The following YLPM1 variants were observed in gnomAD, a reference collection of about 807,000 sequenced individuals.
YLPM1 encodes the protein YLP motif-containing protein 1.
A neutral mutation model predicts 230.0 loss-of-function variants in YLPM1; 99 were observed. The observed-to-expected ratio is 0.43, with a 90% CI of 0.37 to 0.51. The LOEUF (loss-of-function observed/expected upper bound fraction) is 0.51, where lower values mean the gene tolerates loss of function less well. Ranked by LOEUF, YLPM1 falls within the 20% of genes least tolerant of loss-of-function variation. The pLI is 0.00. For synonymous variants in YLPM1, 984 were observed against 942.5 expected, an observed-to-expected ratio of 1.04 and a Z score of -0.81; for missense variants, 2,592 against 2,707.7, an observed-to-expected ratio of 0.96 and a Z score of 0.95.
At chr14:74,793,825 G>A (rs918720729) in intron 4 of YLPM1, among the ~76,000 whole-genome samples, 5 of 152,158 alleles carry the variant, frequency 3.3e-5, no homozygotes, top group Non-Finnish European at 7.4e-5. Context: ...CTAAGGAAAG[G>A]CTGGTTGATG....
chr14:74,797,818 A>G lies in YLPM1; in HGVS notation c.2521A>G (p.Lys841Glu). The G allele has an allele frequency of 6.2e-7, 1 of 1,613,964 alleles. No individual in the cohort carries two copies. Among genetic ancestry groups the G allele is most frequent in the South Asian group, 1.1e-5 (1 of 91,078 alleles). The change falls in exon 5 of 21, where the codon AAA becomes GAA. Residue 841 changes from lysine to glutamate, a missense_variant. By Grantham distance (56) the Lys-to-Glu change is moderately conservative. Transcript: ENST00000325680. ...GAGTGGACCACAGTGGAAAGGCCCC[A>G]AACCAGCTTTTGGACAGCAGCATCA... ...RQSGPQWKGP[K>E]PAFGQQHQQQ...
chr14:74,835,121 C>T, intron 19 of YLPM1, 144 bp from the exon 20 acceptor site: 1 of 1,034,642 alleles, frequency 9.7e-7, no homozygotes, highest in Non-Finnish European at 1.4e-6. Flanking sequence ...TATGGCTTTT[C>T]CCAGTTTTCC....
chr14:74,808,536 C>T (rs1199079123), intron 6 of YLPM1, among the ~76,000 whole-genome samples: 1 of 152,036 alleles, frequency 6.6e-6, no homozygotes. Context: ...GGTGCGGTGG[C>T]TCATGCCTGT....
chr14:74,824,150 T>C, intron 17 of YLPM1, 106 bp from the exon 18 acceptor site: 1 of 1,095,698 alleles, frequency 9.1e-7, no homozygotes, highest in Non-Finnish European at 1.3e-6. Flanking sequence ...AGCTAGTCAG[T>C]GGAAACTGAA....
At chr14:74,806,113 T>C (rs1193654648) in intron 6 of YLPM1, among the ~76,000 whole-genome samples, 1 of 151,046 alleles carries the variant, frequency 6.6e-6, no homozygotes, top group East Asian at 2.0e-4. Flanking sequence ...TGCCAGCACT[T>C]TGGGAGGCCA....
In YLPM1 at chr14:74,798,599, A is replaced by G; in HGVS notation, c.3302A>G (p.Gln1101Arg). ...GTGCCAGGTGGTCTTCAAGGGAGCCAGGACAGGGGTGCAGCTGGCAGCCGA... is the reference window on the plus strand; with the variant it reads ...GTGCCAGGTGGTCTTCAAGGGAGCCGGGACAGGGGTGCAGCTGGCAGCCGA... ...EKVPGGLQGS[Q>R]DRGAAGSRER... is the part of the protein sequence containing the mutation. The change falls in exon 5 of 21, where the codon CAG (glutamine) becomes CGG (arginine). Residue 1101 changes from glutamine to arginine, a missense_variant. Physicochemically the swap from Gln to Arg is conservative, Grantham distance 43. This residue lies in a region of YLPM1 where 1,862 missense variants were observed against 1,819.8 expected (regional missense o/e 1.02). Coordinates refer to ENST00000325680, the MANE Select transcript of YLPM1 (RefSeq NM_019589.3). The G allele has an allele frequency of 1.2e-6, 2 of 1,613,008 alleles. No homozygotes were observed. The highest frequency in any genetic ancestry group is 8.5e-7 in the Non-Finnish European group (1 of 1,179,280).
In YLPM1 at chr14:74,780,727, C is replaced by T. The variant is rs373038068; in HGVS notation, c.1290+143C>T. ...TCCCAAGGGGTGCCCAAGTAGTTATCTGCCACATTACCTGGGGGACTGGGG... is the reference window on the plus strand; with the variant it reads ...TCCCAAGGGGTGCCCAAGTAGTTATTTGCCACATTACCTGGGGGACTGGGG... On this transcript the variant is annotated intron_variant, in intron 3 of 20. Transcript: ENST00000325680. The T allele has an allele frequency of 7.1e-5, 100 of 1,407,876 alleles. No homozygotes were observed. The African/African-American group carries it at 1.3e-3, about 18-fold the overall frequency. The allele number at this position is 1,407,876 out of a possible 1,614,324, so 87.2% of individuals were successfully genotyped here.
rs1432527232 is a variant in YLPM1 at position 74,798,929 on chromosome 14, C to T, written c.3632C>T (p.Ala1211Val). 6.2e-7 allele frequency: 1 copy of T among 1,613,820 alleles called. No individual in the cohort carries two copies. The highest frequency in any genetic ancestry group is 8.5e-7 in the Non-Finnish European group (1 of 1,179,836). The change falls in exon 5 of 21, where the codon GCT (alanine) becomes GTT (valine). Residue 1211 changes from alanine to valine, a missense_variant. Transcript: ENST00000325680. ...HEEFPLDGRN[A>V]PMERERLDDW... ...GAGTTTCCATTAGATGGTAGAAATG[C>T]TCCAATGGAACGAGAAAGACTCGAT...
intron 6 of YLPM1, among the ~76,000 whole-genome samples, chr14:74,808,424 T>C (rs2091399732): frequency 1.3e-5 from 2 of 152,204 alleles, no homozygotes; most frequent in African/African-American, 4.8e-5. Context: ...CGGCTATGAA[T>C]GTTTGTGTGC....
intron 5 of YLPM1, among the ~76,000 whole-genome samples, chr14:74,800,855 A>G (rs1287590247): frequency 7.2e-5 from 11 of 152,226 alleles, no homozygotes; most frequent in Admixed American, 7.2e-4. Flanking sequence ...GGCACTTGCT[A>G]ATAATTGAGT....
Position 74,782,290 on chromosome 14 carries a change from T to A in YLPM1, c.2247T>A (p.Pro749=), listed in dbSNP as rs2140090313. The change falls in exon 4 of 21, where the codon CCT becomes CCA. Residue 749 remains proline, a synonymous_variant. Transcript: ENST00000325680. ...CAGGTGGCCTGCTTCCAGATCCTCCTAGAAGTAGTTACTTGGAAAGTCCAA... is the reference window on the plus strand; with the variant it reads ...CAGGTGGCCTGCTTCCAGATCCTCCAAGAAGTAGTTACTTGGAAAGTCCAA... ...VRSGGLLPDP[P]RSSYLESPRG... is the part of the protein sequence containing the mutation. The A allele has an allele frequency of 2.6e-6, 4 of 1,538,864 alleles. No individual in the cohort carries two copies. The South Asian group carries it at 5.0e-5, about 19-fold the overall frequency.
chr14:74,819,053 T>G (rs2091500720), intron 16 of YLPM1, among the ~76,000 whole-genome samples: 1 of 152,180 alleles, frequency 6.6e-6, no homozygotes, highest in Admixed American at 6.5e-5. Context: ...ACTGATTACT[T>G]GGTTAAGGTG....
At position 74,816,704 on chromosome 14, in the gene YLPM1, C is replaced by A. The variant is rs112311092; in HGVS notation, c.5685+14C>A. 92 of 1,602,766 alleles carry A rather than the reference C, an allele frequency of 5.7e-5. No individual in the cohort carries two copies. The highest frequency in any genetic ancestry group is 8.7e-5 in the Admixed American group (5 of 57,418). On this transcript the variant is annotated intron_variant, in intron 13 of 20. Transcript: ENST00000325680. Reference sequence around the variant, plus strand: ...GTGAAAAAGAAGGTATGGTATTCATCTCAGATCTCGTTCTGATTCATTAAT... The same window carrying A: ...GTGAAAAAGAAGGTATGGTATTCATATCAGATCTCGTTCTGATTCATTAAT...
chr14:74,785,508 GTAAC>G (rs2091139485), intron 4 of YLPM1, among the ~76,000 whole-genome samples: 1 of 152,160 alleles, frequency 6.6e-6, no homozygotes, highest in South Asian at 2.1e-4. Context: ...TTTCTCCAGT[GTAAC>G]TAGGTAAAAA....
At position 74,835,760 on chromosome 14, in the gene YLPM1, T is replaced by C. The variant is rs1218321180; in HGVS notation, c.*37-15T>C. ...TGTTCTTTCCAGGTGTGACAGCCTTTTCTTTTCTTTCCAGGTGGTTCGCTT... is the reference window on the plus strand; with the variant it reads ...TGTTCTTTCCAGGTGTGACAGCCTTCTCTTTTCTTTCCAGGTGGTTCGCTT... On this transcript the variant is annotated splice_polypyrimidine_tract_variant and intron_variant, in intron 20 of 20. Coordinates refer to ENST00000325680, the MANE Select transcript of YLPM1 (RefSeq NM_019589.3). 3 of 433,788 alleles carry C rather than the reference T, an allele frequency of 6.9e-6. No individual in the cohort carries two copies. The highest frequency in any genetic ancestry group is 1.3e-5 in the Non-Finnish European group (3 of 222,770). The allele number at this position is 433,788 out of a possible 1,614,324, so 26.9% of individuals were successfully genotyped here.
intron 4 of YLPM1, among the ~76,000 whole-genome samples, chr14:74,787,195 C>T (rs1303340665): frequency 6.6e-6 from 1 of 152,166 alleles, no homozygotes; most frequent in African/African-American, 2.4e-5. Context: ...TTCTACACAT[C>T]AGTTTTTTAT....
chr14:74,810,339 A>C lies in YLPM1; in HGVS notation c.5147A>C (p.His1716Pro), dbSNP rs754720315. 2 of 1,613,736 alleles carry C rather than the reference A, an allele frequency of 1.2e-6. No homozygotes were observed. The highest frequency in any genetic ancestry group is 4.5e-5 in the East Asian group (2 of 44,890). Residue 1716 changes from histidine to proline, a missense_variant, in exon 9 of 21, where the codon CAT becomes CCT. Physicochemically the swap from His to Pro is moderately conservative, Grantham distance 77. Around this residue, in one of 4 missense-constraint regions of YLPM1, gnomAD observed 403 missense variants for 426.7 expected, o/e 0.94. Coordinates refer to ENST00000325680, the MANE Select transcript of YLPM1 (RefSeq NM_019589.3). ...HRDFKRDRET[H>P]RDRDRDRGVI... ...GATTTTAAAAGGGATCGTGAGACAC[A>C]TAGAGATCGAGACCGGGATCGTGGT...
intron 1 of YLPM1, among the ~76,000 whole-genome samples, chr14:74,777,409 TA>T (rs1201246917): frequency 6.6e-6 from 1 of 150,854 alleles, no homozygotes; most frequent in East Asian, 2.0e-4. Context: ...CTACTAAAAA[TA>T]AAAAAATTTA....
At position 74,809,004 on chromosome 14, in the gene YLPM1, T is replaced by A. The variant is rs982814532; in HGVS notation, c.4522-376T>A. Among the ~76,000 whole-genome samples the A allele has an allele frequency of 3.3e-5, 5 of 152,170 alleles. No homozygotes were observed. The South Asian group carries it at 6.2e-4, about 19-fold the overall frequency. ...ATGGTATCTCATTGGGATTTTAATT[T>A]GTGTTTCCCTAATGACTAATGATGG... On this transcript the variant is annotated intron_variant, in intron 6 of 20. Coordinates refer to ENST00000325680, the MANE Select transcript of YLPM1 (RefSeq NM_019589.3).
Sources: allele counts gnomAD v4.1 joint callset (sites outside exome capture counted in the v4.1 genomes callset), GRCh38; gene constraint gnomAD v4.1.1; regional missense constraint gnomAD v4.1.1; transcripts MANE v1.5; gene names NCBI Gene and HGNC (gene_info 2026-07-23, HGNC 2026-07-21).